The following CRMP1 variants were observed in gnomAD, a reference collection of about 807,000 sequenced individuals.
The protein encoded by CRMP1 is collapsin response mediator protein 1.
CRMP1 carries 19 observed loss-of-function variants against 68.3 expected under a neutral mutation model. The ratio of observed to expected loss-of-function variants is 0.28; its 90% CI spans 0.19 to 0.41. The LOEUF (loss-of-function observed/expected upper bound fraction) is 0.41. CRMP1 is among the 10% of genes least tolerant of loss of function. The pLI is 1.00. For missense variants in CRMP1, 791 were observed against 967.4 expected (o/e 0.82, Z 2.42); for synonymous variants, 439 against 399.6 (o/e 1.10, Z -1.18).
In CRMP1 at chr4:5,890,134, T is replaced by A; in HGVS notation, c.381+2455A>T. The A allele has an allele frequency of 4.9e-6, 1 of 205,134 alleles. No homozygotes were observed. The allele number at this position is 205,134 out of a possible 1,614,324, so 12.7% of individuals were successfully genotyped here. A position where few individuals can be genotyped will look rare whatever the true frequency, so the allele number is the denominator to read the frequency against. ...AAATTGCAGATGGGGACACTGTCCCTCCCCAACTCCTACACTCCCTTCCTT... is the reference window on the plus strand; with the variant it reads ...AAATTGCAGATGGGGACACTGTCCCACCCCAACTCCTACACTCCCTTCCTT... On this transcript the variant is annotated intron_variant, in intron 1 of 13. Transcript: ENST00000324989. This position sits in a 1 kb window ranked among gnomAD's most constrained non-coding sequence, Gnocchi z 5.5.
rs912685369 is a variant in CRMP1, at chr4:5,861,609, A to G, written c.471-399T>C. Among the ~76,000 whole-genome samples the G allele has an allele frequency of 6.6e-6, 1 of 152,178 alleles. No homozygotes were observed. Among genetic ancestry groups the G allele is most frequent in the Non-Finnish European group, 1.5e-5 (1 of 68,024 alleles). On this transcript the variant is annotated intron_variant, in intron 2 of 13. Coordinates refer to ENST00000324989, the MANE Select transcript of CRMP1 (RefSeq NM_001014809.3). The surrounding 1 kb of genome is among the most constrained non-coding windows in gnomAD (Gnocchi z 6.0). Reference sequence around the variant, plus strand: ...CTGAAAACTTCCTCCAGGAGGTTAAATTCCAAATGGGGAAGGAGGGAAAAG... The same window carrying G: ...CTGAAAACTTCCTCCAGGAGGTTAAGTTCCAAATGGGGAAGGAGGGAAAAG...
rs1291598330 is a variant in CRMP1 at position 5,834,803 on chromosome 4, T to C, written c.1623+1112A>G. Among the ~76,000 whole-genome samples the C allele has an allele frequency of 6.6e-6, 1 of 152,190 alleles. No individual in the cohort carries two copies. Among genetic ancestry groups the C allele is most frequent in the African/African-American group, 2.4e-5 (1 of 41,446 alleles). On this transcript the variant is annotated intron_variant, in intron 11 of 13. Coordinates refer to ENST00000324989, the MANE Select transcript of CRMP1 (RefSeq NM_001014809.3). This position sits in a 1 kb window ranked among gnomAD's most constrained non-coding sequence, Gnocchi z 4.3. ...AGATGATCTCAGGCACCCCGTTCCC[T>C]GGAGATGGGGGCTGTGGGAAGCAAG...
At position 5,834,927 on chromosome 4, in the gene CRMP1, CATGTCTGTGGCAGCCA is replaced by C. The variant is rs1720631967; in HGVS notation, c.1623+972_1623+987del. The stretch of plus-strand genomic sequence containing the variant: ...TACCGAGACCTCTGCTTCTGCAGGC[CATGTCTGTGGCAGCCA>C]ATGGATACTCCAGGGCCATGGCCGT... On this transcript the variant is annotated intron_variant, in intron 11 of 13. Coordinates refer to ENST00000324989, the MANE Select transcript of CRMP1 (RefSeq NM_001014809.3). The surrounding 1 kb of genome is among the most constrained non-coding windows in gnomAD (Gnocchi z 4.3). Among the ~76,000 whole-genome samples the C allele has an allele frequency of 6.6e-6, 1 of 152,212 alleles. No homozygotes were observed. Among genetic ancestry groups the C allele is most frequent in the South Asian group, 2.1e-4 (1 of 4,822 alleles).
chr4:5,851,432 A>G lies in CRMP1; in HGVS notation c.858T>C (p.Asp286=). 1 of 1,614,236 alleles carries G rather than the reference A, an allele frequency of 6.2e-7. No individual in the cohort carries two copies. ...NSFQVYMAYK[D]VYQMSDSQLY... Reference sequence around the variant, plus strand: ...CCTGGCTGTCGGACATTTGGTAGACATCCTTATAGGCCATGTAGACTTGGA... The same window carrying G: ...CCTGGCTGTCGGACATTTGGTAGACGTCCTTATAGGCCATGTAGACTTGGA... The change falls in exon 5 of 14, where the codon GAT becomes GAC. Residue 286 remains aspartate (D), a synonymous_variant. Transcript: ENST00000324989.
At position 5,888,586 on chromosome 4, in the gene CRMP1, C is replaced by T; in HGVS notation, c.381+4003G>A. On this transcript the variant is annotated intron_variant, in intron 1 of 13. Transcript: ENST00000324989. The surrounding 1 kb of genome is among the most constrained non-coding windows in gnomAD (Gnocchi z 6.4). Reference sequence around the variant, plus strand: ...GCGAAGCCGGATTCGCCCCTCTCGGCTCGAACCAGGAAGCGCTTCCCTTCC... The same window carrying T: ...GCGAAGCCGGATTCGCCCCTCTCGGTTCGAACCAGGAAGCGCTTCCCTTCC... 9.3e-7 allele frequency: 1 copy of T among 1,076,752 alleles called. No individual in the cohort carries two copies. Among genetic ancestry groups the T allele is most frequent in the Non-Finnish European group, 1.1e-6 (1 of 889,258 alleles). The allele number at this position is 1,076,752 out of a possible 1,614,324, so 66.7% of individuals were successfully genotyped here.
chr4:5,828,955 G>C (rs1303929430), intron 11 of CRMP1, among the ~76,000 whole-genome samples: 1 of 152,058 alleles, frequency 6.6e-6, no homozygotes, highest in Admixed American at 6.5e-5. Context: ...ATGCAATGTG[G>C]CTGCTTTGAC....
chr4:5,846,007 C>A (rs536255363), intron 6 of CRMP1, among the ~76,000 whole-genome samples: 1 of 152,222 alleles, frequency 6.6e-6, no homozygotes, highest in South Asian at 2.1e-4. Context: ...TAAATAGGGA[C>A]CTTTTAGGCT....
At chr4:5,831,739 C>T (rs1056805969) in intron 11 of CRMP1, among the ~76,000 whole-genome samples, 4 of 152,216 alleles carry the variant, frequency 2.6e-5, no homozygotes, top group Admixed American at 1.3e-4. Context: ...ACAAATGCCA[C>T]ACCCTGCATT....
rs1005058005 is a variant in CRMP1, at chr4:5,841,433, A to T, written c.1033-5T>A. ...GAACACCGCCTCGGCCTCCAGCTGA[A>T]CACGGCACACACAGTGTCACAGGAG... is the stretch of plus-strand genomic sequence containing the variant. On this transcript the variant is annotated splice_region_variant and splice_polypyrimidine_tract_variant and intron_variant, in intron 7 of 13. Coordinates refer to ENST00000324989, the MANE Select transcript of CRMP1 (RefSeq NM_001014809.3). The surrounding 1 kb of genome is among the most constrained non-coding windows in gnomAD (Gnocchi z 6.9). The T allele has an allele frequency of 6.2e-7, 1 of 1,613,976 alleles. No homozygotes were observed. Among genetic ancestry groups the T allele is most frequent in the Non-Finnish European group, 8.5e-7 (1 of 1,179,864 alleles).
chr4:5,882,460 A>G (rs1715280318), intron 1 of CRMP1, among the ~76,000 whole-genome samples: 1 of 152,190 alleles, frequency 6.6e-6, no homozygotes, highest in African/African-American at 2.4e-5. Flanking sequence ...AAGCTAATAC[A>G]CCATCCCACG....
Position 5,892,618 on chromosome 4 carries a change from C to A in CRMP1, c.352G>T (p.Asp118Tyr). 1 of 1,189,108 alleles carries A rather than the reference C, an allele frequency of 8.4e-7. No individual in the cohort carries two copies. Among genetic ancestry groups the A allele is most frequent in the Non-Finnish European group, 1.0e-6 (1 of 960,520 alleles). The allele number at this position is 1,189,108 out of a possible 1,614,324, so 73.7% of individuals were successfully genotyped here. The stretch of plus-strand genomic sequence containing the variant: ...CCATTGTCCCGGCCGAGGGGCAGGT[C>A]GCGGGGCGCGGGGCGGCGGATGCGC... ...TLRIRRPAPR[D>Y]LPLGRDNGQS... Residue 118 changes from aspartate (D) to tyrosine (Y), a missense_variant, in exon 1 of 14, where the codon GAC becomes TAC. Physicochemically the swap from Asp to Tyr is radical, Grantham distance 160. Transcript: ENST00000324989. This position sits in a 1 kb window ranked among gnomAD's most constrained non-coding sequence, Gnocchi z 8.6.
Position 5,866,568 on chromosome 4 carries a change from GC to G in CRMP1, c.470+99del. On this transcript the variant is annotated intron_variant, in intron 2 of 13. Transcript: ENST00000324989. The surrounding 1 kb of genome is among the most constrained non-coding windows in gnomAD (Gnocchi z 5.9). ...TCTACCCCTGAAACACAGGTACACA[GC>G]CCCGTCATTCTAGGACAGAATGCCA... is the stretch of plus-strand genomic sequence containing the variant. The G allele has an allele frequency of 1.2e-6, 1 of 818,678 alleles. No homozygotes were observed. The highest frequency in any genetic ancestry group is 1.8e-5 in the South Asian group (1 of 56,300). 50.7% of individuals were successfully genotyped at this position (818,678 alleles called of 1,614,324 possible). A position where few individuals can be genotyped will look rare whatever the true frequency, so the allele number is the denominator to read the frequency against.
In CRMP1 at chr4:5,866,801, G is replaced by A. The variant is rs1425799793; in HGVS notation, c.382-45C>T. The A allele has an allele frequency of 1.4e-6, 2 of 1,412,170 alleles. No individual in the cohort carries two copies. Among genetic ancestry groups the A allele is most frequent in the South Asian group, 1.3e-5 (1 of 75,562 alleles). The allele number at this position is 1,412,170 out of a possible 1,614,324, so 87.5% of individuals were successfully genotyped here. A position where few individuals can be genotyped will look rare whatever the true frequency, so the allele number is the denominator to read the frequency against. On this transcript the variant is annotated intron_variant, in intron 1 of 13. Transcript: ENST00000324989. This position sits in a 1 kb window ranked among gnomAD's most constrained non-coding sequence, Gnocchi z 5.9. ...ATTAAGGATCCTTGGTGAAAAGCCA[G>A]GATAAAGTTTTTTCTTTTTAATTTT... is the stretch of plus-strand genomic sequence containing the variant.
chr4:5,845,254 C>T (rs181050054), intron 6 of CRMP1, among the ~76,000 whole-genome samples: 1 of 152,196 alleles, frequency 6.6e-6, no homozygotes, highest in East Asian at 1.9e-4. Flanking sequence ...GGACCCAGCA[C>T]CTTGCTTCTG....
Position 5,861,309 on chromosome 4 carries a change from C to T in CRMP1, c.471-99G>A. 8.0e-7 allele frequency: 1 copy of T among 1,245,568 alleles called. No individual in the cohort carries two copies. The highest frequency in any genetic ancestry group is 1.4e-5 in the South Asian group (1 of 71,546). 77.2% of individuals were successfully genotyped at this position (1,245,568 alleles called of 1,614,324 possible). A position where few individuals can be genotyped will look rare whatever the true frequency, so the allele number is the denominator to read the frequency against. On this transcript the variant is annotated intron_variant, in intron 2 of 13. Coordinates refer to ENST00000324989, the MANE Select transcript of CRMP1 (RefSeq NM_001014809.3). The surrounding 1 kb of genome is among the most constrained non-coding windows in gnomAD (Gnocchi z 6.0). ...TTCCATGAAATAAACATTTCTGAGC[C>T]AGGCCCTTCACAAGGCCCTGGGGAG...
intron 5 of CRMP1, among the ~76,000 whole-genome samples, 189 bp downstream of exon 5, chr4:5,851,219 C>T (rs115227265): frequency 6.6e-6 from 1 of 152,200 alleles, no homozygotes; most frequent in Admixed American, 6.5e-5. Context: ...GCCACTCACA[C>T]AGTCAGAAAA....
chr4:5,824,739 A>G lies in CRMP1; in HGVS notation c.1969+755T>C, dbSNP rs754367610. 55 of 985,228 alleles carry G rather than the reference A, an allele frequency of 5.6e-5. 1 individual carries two copies. Among genetic ancestry groups the G allele is most frequent in the Non-Finnish European group, 6.3e-5 (52 of 829,946 alleles). 61.0% of individuals were successfully genotyped at this position (985,228 alleles called of 1,614,324 possible). A position where few individuals can be genotyped will look rare whatever the true frequency, so the allele number is the denominator to read the frequency against. ...TACTATCCGGCCTTCTAAGAAAAAA[A>G]ATCACCATACTCTTAGTACCCAGCA... On this transcript the variant is annotated intron_variant, in intron 13 of 13. Coordinates refer to ENST00000324989, the MANE Select transcript of CRMP1 (RefSeq NM_001014809.3).
In CRMP1 at chr4:5,881,068, G is replaced by A. The variant is rs912938718; in HGVS notation, c.381+11521C>T. Among the ~76,000 whole-genome samples the A allele has an allele frequency of 5.9e-5, 9 of 152,214 alleles. No homozygotes were observed. The highest frequency in any genetic ancestry group is 2.2e-4 in the African/African-American group (9 of 41,454). On this transcript the variant is annotated intron_variant, in intron 1 of 13. Transcript: ENST00000324989. This position sits in a 1 kb window ranked among gnomAD's most constrained non-coding sequence, Gnocchi z 4.6. ...GGAGGAGGAATCCTTTATAGAGAAT[G>A]GACACAGCTGATACAAAGGCAGAGG...
chr4:5,824,677 T>C (rs1719259168), intron 13 of CRMP1: 1 of 965,338 alleles, frequency 1.0e-6, no homozygotes. Context: ...GTTGACATCC[T>C]AGATGTTGCC....
Sources: gnomAD v4.1 joint callset for allele counts (sites outside exome capture counted in the v4.1 genomes callset) on GRCh38, gnomAD v4.1.1 for gene constraint, Gnocchi (gnomAD v3.1) non-coding constraint, MANE v1.5 for transcripts, NCBI Gene and HGNC (gene_info 2026-07-23, HGNC 2026-07-21) for gene names.